TEX11: variants seen among roughly 807,000 people sequenced by gnomAD.
The protein encoded by TEX11 is testis expressed 11, also known as testis-expressed protein 11.
TEX11 carries 7 observed loss-of-function variants against 84.4 expected under a neutral mutation model. That is an observed-to-expected ratio of 0.08 (90% CI 0.05 to 0.16). The LOEUF (loss-of-function observed/expected upper bound fraction) is 0.16. Ranked by LOEUF, TEX11 falls within the 10% of genes least tolerant of loss-of-function variation. TEX11 has a pLI of 1.00. For missense variants in TEX11, 551 were observed against 660.5 expected (o/e 0.83, Z 1.82); for synonymous variants, 264 against 222.8 (o/e 1.18, Z -1.64).
intron 17 of TEX11, among the ~76,000 whole-genome samples, chrX:70,633,778 CGTG>C (rs2089537758): frequency 9.0e-6 from 1 of 110,536 alleles, no homozygotes; most frequent in African/African-American, 3.3e-5. Context: ...ATTAGCCAGG[CGTG>C]GTGGTGCATG....
chrX:70,894,215 T>A (rs1171909027), intron 2 of TEX11, among the ~76,000 whole-genome samples: 1 of 111,115 alleles, frequency 9.0e-6, no homozygotes, highest in Admixed American at 9.7e-5. Context: ...ACTCCCTAAC[T>A]CATTTTATGA....
At chrX:70,897,654 AGGAAG>A (rs2091777546) in intron 2 of TEX11, 1 of 93,623 alleles carries the variant, frequency 1.1e-5, no homozygotes, top group East Asian at 3.3e-4. Flanking sequence ...GAAGGAAGGA[AGGAAG>A]GAAGGAAAAC....
chrX:70,516,246 T>A, the TEX11 span, among the ~76,000 whole-genome samples: 8 of 112,480 alleles, frequency 7.1e-5, no homozygotes, highest in South Asian at 2.6e-3. Flanking sequence ...AGGGTTTTTA[T>A]GGTTTTAGGT....
chrX:70,640,119 A>G (rs1272963592), intron 17 of TEX11, among the ~76,000 whole-genome samples: 14 of 109,794 alleles, frequency 1.3e-4, no homozygotes, highest in Non-Finnish European at 2.3e-4. Context: ...CTACCTGAAG[A>G]ATGCAGAAGC....
chrX:70,529,546 G>C (rs893675899), intron 29 of TEX11, among the ~76,000 whole-genome samples: 9 of 112,017 alleles, frequency 8.0e-5, no homozygotes, highest in African/African-American at 2.6e-4. Context: ...ACATGCACTG[G>C]CACTGACAGT....
intron 2 of TEX11, among the ~76,000 whole-genome samples, chrX:70,906,393 A>G (rs1031187169): frequency 7.4e-5 from 8 of 108,702 alleles, no homozygotes; most frequent in African/African-American, 2.7e-4. Flanking sequence ...TTATCAACTT[A>G]AGAGTCATAA....
At chrX:70,557,944 T>A (rs974452721) in intron 25 of TEX11, among the ~76,000 whole-genome samples, 7 of 110,952 alleles carry the variant, frequency 6.3e-5, no homozygotes, top group Non-Finnish European at 1.1e-4. Flanking sequence ...AGGTCAGGAG[T>A]TCGAGACCAG....
chrX:70,650,430 C>T (rs2089797734), intron 17 of TEX11, among the ~76,000 whole-genome samples: 1 of 111,428 alleles, frequency 9.0e-6, no homozygotes, highest in South Asian at 3.8e-4. Context: ...AGGAAAATTA[C>T]TAATATTTTT....
chrX:70,766,838 A>G (rs932409912), intron 9 of TEX11, among the ~76,000 whole-genome samples: 2 of 111,997 alleles, frequency 1.8e-5, no homozygotes, highest in African/African-American at 3.2e-5. Context: ...CCTAACAGTG[A>G]ACTCATTTTG....
At chrX:70,700,663 C>A (rs770299035) in intron 13 of TEX11, among the ~76,000 whole-genome samples, 2 of 111,584 alleles carry the variant, frequency 1.8e-5, no homozygotes, top group African/African-American at 6.5e-5. Context: ...ATTCACATAT[C>A]TCTCATTTTA....
At chrX:70,906,109 A>G (rs2091832037) in intron 2 of TEX11, among the ~76,000 whole-genome samples, 1 of 59,277 alleles carries the variant, frequency 1.7e-5, no homozygotes, top group South Asian at 9.0e-4. Context: ...ATATATATAT[A>G]TATATATATA....
intron 7 of TEX11, among the ~76,000 whole-genome samples, chrX:70,847,124 T>C (rs1338624734): frequency 9.0e-6 from 1 of 111,066 alleles, no homozygotes; most frequent in African/African-American, 3.3e-5. Context: ...TGTATCTCTT[T>C]TTCCCTCTCT....
intron 16 of TEX11, among the ~76,000 whole-genome samples, chrX:70,665,118 T>C (rs1341644183): frequency 9.0e-6 from 1 of 111,071 alleles, no homozygotes; most frequent in Non-Finnish European, 1.9e-5. Flanking sequence ...GAGAGTGTGG[T>C]TCAGTTTTAT....
intron 7 of TEX11, among the ~76,000 whole-genome samples, chrX:70,841,432 C>A (rs985941882): frequency 1.8e-5 from 2 of 110,644 alleles, no homozygotes; most frequent in Non-Finnish European, 3.8e-5. Flanking sequence ...TTGAAACCAA[C>A]GAGAACAAAG....
chrX:70,622,512 C>G (rs1185499402), intron 20 of TEX11, among the ~76,000 whole-genome samples: 1 of 111,720 alleles, frequency 9.0e-6, no homozygotes, highest in Admixed American at 9.5e-5. Flanking sequence ...TTATAAATAA[C>G]TAATATTCAG....
At chrX:70,745,477 G>A (rs1602091612) in intron 9 of TEX11, among the ~76,000 whole-genome samples, 3 of 110,172 alleles carry the variant, frequency 2.7e-5, no homozygotes, top group African/African-American at 9.9e-5. Flanking sequence ...GCTCACACCT[G>A]TAATTCCAGC....
chrX:70,877,132 A>G (rs923789378), intron 3 of TEX11, among the ~76,000 whole-genome samples: 1 of 110,297 alleles, frequency 9.1e-6, no homozygotes, highest in Admixed American at 9.7e-5. Flanking sequence ...CATCTCTACT[A>G]AAAACACAAA....
intron 7 of TEX11, among the ~76,000 whole-genome samples, chrX:70,842,250 G>A (rs750938845): frequency 1.4e-4 from 16 of 111,417 alleles, no homozygotes; most frequent in African/African-American, 3.9e-4. Flanking sequence ...CTCACAAACC[G>A]AATTCAGCAG....
chrX:70,675,697 T>C (rs2090065454), intron 15 of TEX11, among the ~76,000 whole-genome samples: 1 of 110,776 alleles, frequency 9.0e-6, no homozygotes, highest in Admixed American at 9.6e-5. Flanking sequence ...TGGCACAAAC[T>C]TGGCTCATTG....
Sources: allele counts gnomAD v4.1 joint callset (sites outside exome capture counted in the v4.1 genomes callset), GRCh38; gene constraint gnomAD v4.1.1; transcripts MANE v1.5; gene names NCBI Gene and HGNC (gene_info 2026-07-23, HGNC 2026-07-21).